SMYD3: variants seen among roughly 807,000 people sequenced by gnomAD.
The protein encoded by SMYD3 is SET and MYND domain containing 3.
Under a neutral mutation model 57.7 loss-of-function variants are expected in SMYD3, and 36 were observed. The ratio of observed to expected loss-of-function variants is 0.62; its 90% CI spans 0.48 to 0.82. The LOEUF (loss-of-function observed/expected upper bound fraction) is 0.82. SMYD3 is among the 40% of genes least tolerant of loss of function. The probability of loss-of-function intolerance (pLI) is 0.00; values close to 1 mark genes in which losing one functional copy is unlikely to be tolerated. For missense variants in SMYD3, 515 were observed against 538.8 expected, an observed-to-expected ratio of 0.96 and a Z score of 0.44; for synonymous variants, 211 against 195.0, an observed-to-expected ratio of 1.08 and a Z score of -0.68.
chr1:245,944,768 G>A (rs1460542663), intron 5 of SMYD3, among the ~76,000 whole-genome samples: 2 of 152,188 alleles, frequency 1.3e-5, no homozygotes, highest in Non-Finnish European at 1.5e-5. Context: ...AACTAAAACA[G>A]CATGGTACTG....
At chr1:245,839,394 C>T (rs534295452) in intron 10 of SMYD3, among the ~76,000 whole-genome samples, 104 of 152,060 alleles carry the variant, frequency 6.8e-4, no homozygotes, top group Non-Finnish European at 8.8e-4. Context: ...TGGTCTCGAT[C>T]TCCTGACCTC....
chr1:246,489,534 A>T (rs964504107), intron 1 of SMYD3, among the ~76,000 whole-genome samples: 7 of 152,182 alleles, frequency 4.6e-5, no homozygotes. Flanking sequence ...AGGAGAAAGA[A>T]AAAGGACAGA....
intron 8 of SMYD3, among the ~76,000 whole-genome samples, chr1:245,903,684 T>TA (rs1262483741): frequency 6.6e-6 from 1 of 152,178 alleles, no homozygotes; most frequent in African/African-American, 2.4e-5. Flanking sequence ...GAAGGGATGA[T>TA]ATAGTTTGGC....
At chr1:246,462,683 C>A (rs1182842870) in intron 1 of SMYD3, among the ~76,000 whole-genome samples, 2 of 152,122 alleles carry the variant, frequency 1.3e-5, no homozygotes, top group Non-Finnish European at 2.9e-5. Context: ...CACAAACACA[C>A]TAAGGATTTT....
intron 1 of SMYD3, among the ~76,000 whole-genome samples, chr1:246,381,638 T>C (rs77616632): frequency 0.046 from 7,058 of 152,302 alleles, 214 homozygotes; most frequent in Non-Finnish European, 0.064. Flanking sequence ...TATATCGCCA[T>C]CCATGTCTCC....
At chr1:246,387,038 A>T (rs1357103700) in intron 1 of SMYD3, among the ~76,000 whole-genome samples, 3 of 152,218 alleles carry the variant, frequency 2.0e-5, no homozygotes, top group Admixed American at 6.5e-5. Flanking sequence ...CAAGAAAAGC[A>T]GATAGAGAAT....
At chr1:246,031,737 G>GA (rs66497634) in intron 5 of SMYD3, among the ~76,000 whole-genome samples, 2,974 of 136,714 alleles carry the variant, frequency 0.022, 113 homozygotes, top group African/African-American at 0.068. Flanking sequence ...ACTTTGTCTC[G>GA]AAAAAAAAAA....
intron 10 of SMYD3, among the ~76,000 whole-genome samples, chr1:245,817,364 CAGAA>C (rs1186528417): frequency 2.0e-5 from 3 of 146,690 alleles, no homozygotes; most frequent in Non-Finnish European, 3.0e-5. Flanking sequence ...AACTAACAAA[CAGAA>C]AGCACATCCA....
intron 10 of SMYD3, among the ~76,000 whole-genome samples, chr1:245,773,024 A>G (rs917644800): frequency 1.3e-5 from 2 of 150,702 alleles, no homozygotes; most frequent in African/African-American, 4.9e-5. Flanking sequence ...ATGTATGGTA[A>G]TTAGTGGAAT....
Position 245,896,667 on chromosome 1 carries a change from C to T in SMYD3, c.813+18863G>A, listed in dbSNP as rs1178915654. Among the ~76,000 whole-genome samples, 8 of 152,280 alleles carry T rather than the reference C, an allele frequency of 5.3e-5. No individual in the cohort carries two copies. The South Asian group carries it at 8.3e-4, about 16-fold the overall frequency. ...AAAACCAGGGCTGATGACCTGTTCCCCTGTGCTAGATATTTACAGGAAGCT... is the reference window on the plus strand; with the variant it reads ...AAAACCAGGGCTGATGACCTGTTCCTCTGTGCTAGATATTTACAGGAAGCT... On this transcript the variant is annotated intron_variant, in intron 8 of 11. Coordinates refer to ENST00000490107, the MANE Select transcript of SMYD3 (RefSeq NM_001167740.2).
chr1:245,968,195 C>T (rs1401056446), intron 5 of SMYD3, among the ~76,000 whole-genome samples: 1 of 151,448 alleles, frequency 6.6e-6, no homozygotes, highest in South Asian at 2.1e-4. Flanking sequence ...GATCTGAGCA[C>T]TTTAATCCCC....
chr1:246,150,065 G>A (rs1402236683), intron 5 of SMYD3, among the ~76,000 whole-genome samples: 1 of 152,130 alleles, frequency 6.6e-6, no homozygotes, highest in Non-Finnish European at 1.5e-5. Flanking sequence ...ACCTTACAGG[G>A]ATTGATTCTA....
intron 5 of SMYD3, among the ~76,000 whole-genome samples, chr1:246,279,103 T>C (rs1032381747): frequency 6.6e-6 from 1 of 152,154 alleles, no homozygotes; most frequent in African/African-American, 2.4e-5. Flanking sequence ...TGGAGAACAG[T>C]ACCTACTGTC....
chr1:246,280,056 T>C (rs1052762489), intron 5 of SMYD3, among the ~76,000 whole-genome samples: 1 of 152,298 alleles, frequency 6.6e-6, no homozygotes, highest in East Asian at 1.9e-4. Context: ...TGCCATACAT[T>C]AGGTTGCAAA....
At position 245,948,989 on chromosome 1, in the gene SMYD3, C is replaced by T. The variant is rs527380800; in HGVS notation, c.532-19052G>A. Among the ~76,000 whole-genome samples, 10 of 152,316 alleles carry T rather than the reference C, an allele frequency of 6.6e-5. No individual in the cohort carries two copies. In the East Asian group the frequency reaches 1.7e-3, roughly 26 times the overall value. On this transcript the variant is annotated intron_variant, in intron 5 of 11. Transcript: ENST00000490107. ...TCTGCAAGCCTGAGGATGGGCCTGC[C>T]CGACCTGCCGCTACCAGCACATCTA...
At chr1:246,237,824 C>G (rs2063535425) in intron 5 of SMYD3, among the ~76,000 whole-genome samples, 1 of 151,926 alleles carries the variant, frequency 6.6e-6, no homozygotes, top group South Asian at 2.1e-4. Context: ...TTTCAGTACA[C>G]AAAGAAATCT....
chr1:246,020,110 T>C (rs927736759), intron 5 of SMYD3, among the ~76,000 whole-genome samples: 1 of 152,226 alleles, frequency 6.6e-6, no homozygotes, highest in African/African-American at 2.4e-5. Context: ...ATGGGGTCCG[T>C]CTGAACGTAA....
In SMYD3 at chr1:246,288,062, C is replaced by CTTTTTTTTTTTTTTTTTTTTTTTTT. The variant is rs67603439; in HGVS notation, c.531+39114_531+39138dup. ...GTTTTTGAAATGCCATCAGGTAATT[C>CTTTTTTTTTTTTTTTTTTTTTTTTT]TTTTTTTTTTTTTTTTTTTTTTTTT... On this transcript the variant is annotated intron_variant, in intron 5 of 11. Transcript: ENST00000490107. 4.7e-5 allele frequency among the ~76,000 whole-genome samples: 3 copies of CTTTTTTTTTTTTTTTTTTTTTTTTT among 64,216 alleles called. 1 individual carries two copies. The highest frequency in any genetic ancestry group is 2.0e-4 in the African/African-American group (3 of 14,996). 42.1% of individuals were successfully genotyped at this position (64,216 alleles called of 152,430 possible).
intron 5 of SMYD3, among the ~76,000 whole-genome samples, chr1:246,240,887 C>T (rs996643059): frequency 2.6e-5 from 4 of 151,756 alleles, no homozygotes; most frequent in African/African-American, 4.8e-5. Flanking sequence ...ATTTGGCTCT[C>T]TGTTTGTCTG....
Sources: gnomAD v4.1 joint callset for allele counts (sites outside exome capture counted in the v4.1 genomes callset) on GRCh38, gnomAD v4.1.1 for gene constraint, MANE v1.5 for transcripts, NCBI Gene and HGNC (gene_info 2026-07-23, HGNC 2026-07-21) for gene names.